The following TKFC variants were observed in gnomAD, a reference collection of about 807,000 sequenced individuals.
The protein encoded by TKFC is triokinase/FMN cyclase.
TKFC carries 46 observed loss-of-function variants against 61.0 expected under a neutral mutation model. That is an observed-to-expected ratio of 0.75 (90% confidence interval 0.60 to 0.96). The LOEUF is 0.96. Ranked by LOEUF, TKFC falls within the 50% of genes least tolerant of loss-of-function variation. TKFC has a pLI of 0.00. For missense variants in TKFC, 715 were observed against 777.5 expected (o/e 0.92, Z 0.96); for synonymous variants, 314 against 330.1 (o/e 0.95, Z 0.53).
chr11:61,347,772 T>C lies in TKFC; in HGVS notation c.*1269T>C, dbSNP rs1857211822. 5.1e-6 allele frequency: 5 copies of C among 976,756 alleles called. No homozygotes were observed. Among genetic ancestry groups the C allele is most frequent in the Non-Finnish European group, 6.1e-6 (5 of 822,278 alleles). 60.5% of individuals were successfully genotyped at this position (976,756 alleles called of 1,614,324 possible). On this transcript the variant is annotated 3_prime_UTR_variant, in exon 18 of 18. Coordinates refer to ENST00000394900, the MANE Select transcript of TKFC (RefSeq NM_015533.4). ...ACCCGGCTACAGGAGCTAAGGCCTA[T>C]TTTTTAGCCCTTTGGGATCTGTAAA...
downstream of TKFC, chr11:61,349,537 T>C (rs972776949): frequency 2.8e-6 from 2 of 702,794 alleles, no homozygotes; most frequent in Non-Finnish European, 5.2e-6. Context: ...GGGGACAGGC[T>C]CTGTTCTTGG....
intron 9 of TKFC, 45 bp from the exon 10 acceptor site, chr11:61,342,710 G>T: frequency 6.2e-7 from 1 of 1,613,512 alleles, no homozygotes; most frequent in South Asian, 1.1e-5. Flanking sequence ...CTCTGGGGAG[G>T]AGACGCCCAG....
rs753639543 is a variant in TKFC at position 61,339,324 on chromosome 11, C to T, written c.375C>T (p.Ala125=). Residue 125 remains alanine (A), a synonymous_variant, in exon 5 of 18, where the codon GCC becomes GCT. Coordinates refer to ENST00000394900, the MANE Select transcript of TKFC (RefSeq NM_015533.4). ...RLNFGLAREQ[A]RAEGIPVEMV... is the part of the protein sequence containing the mutation. ...ACTTCGGCCTGGCCCGGGAGCAGGC[C>T]CGGGCTGAAGGCATCCCGGTGGAGA... The T allele has an allele frequency of 3.7e-6, 6 of 1,613,858 alleles. No homozygotes were observed. The highest frequency in any genetic ancestry group is 5.1e-6 in the Non-Finnish European group (6 of 1,180,022).
At chr11:61,335,143 T>G (rs796942538) in intron 2 of TKFC, among the ~76,000 whole-genome samples, 7 of 152,322 alleles carry the variant, frequency 4.6e-5, no homozygotes, top group African/African-American at 1.7e-4. Flanking sequence ...TGTGGGAGGC[T>G]GGCCATGTCC....
At chr11:61,350,863 C>G, downstream of TKFC, 1 of 1,378,630 alleles carries the variant, frequency 7.3e-7, no homozygotes. Flanking sequence ...CTAACTCCAC[C>G]CTCAAGTTAC....
rs761381798 is a variant in TKFC at position 61,346,191 on chromosome 11, G to T, written c.1576-160G>T. ...ACCCTTTTCCCTGCTGGAAGTAGAT[G>T]AGAAGTGACTTTCCATTTGGTGACA... On this transcript the variant is annotated intron_variant, in intron 17 of 17. Coordinates refer to ENST00000394900, the MANE Select transcript of TKFC (RefSeq NM_015533.4). The surrounding 1 kb of genome is among the most constrained non-coding windows in gnomAD (Gnocchi z 4.1). 3.3e-6 allele frequency: 5 copies of T among 1,496,874 alleles called. No homozygotes were observed. Among genetic ancestry groups the T allele is most frequent in the Non-Finnish European group, 4.4e-6 (5 of 1,123,978 alleles). The allele number at this position is 1,496,874 out of a possible 1,614,324, so 92.7% of individuals were successfully genotyped here. A position where few individuals can be genotyped will look rare whatever the true frequency, so the allele number is the denominator to read the frequency against.
chr11:61,346,239 C>T lies in TKFC; in HGVS notation c.1576-112C>T. On this transcript the variant is annotated intron_variant, in intron 17 of 17. Coordinates refer to ENST00000394900, the MANE Select transcript of TKFC (RefSeq NM_015533.4). The surrounding 1 kb of genome is among the most constrained non-coding windows in gnomAD (Gnocchi z 4.1). ...ACAGAGCAGAGGGTGCTGGCAGAGCCAGGGCAAGGGCGTGCAGGGCCAGGC... is the reference window on the plus strand; with the variant it reads ...ACAGAGCAGAGGGTGCTGGCAGAGCTAGGGCAAGGGCGTGCAGGGCCAGGC... 1 of 1,562,474 alleles carries T rather than the reference C, an allele frequency of 6.4e-7. No individual in the cohort carries two copies. Among genetic ancestry groups the T allele is most frequent in the South Asian group, 1.2e-5 (1 of 86,726 alleles).
rs538152503 is a variant in TKFC at position 61,348,048 on chromosome 11, C to T, written c.*1545C>T. 1 of 985,350 alleles carries T rather than the reference C, an allele frequency of 1.0e-6. No homozygotes were observed. Among genetic ancestry groups the T allele is most frequent in the African/African-American group, 1.7e-5 (1 of 57,226 alleles). 61.0% of individuals were successfully genotyped at this position (985,350 alleles called of 1,614,324 possible). On this transcript the variant is annotated 3_prime_UTR_variant, in exon 18 of 18. Coordinates refer to ENST00000394900, the MANE Select transcript of TKFC (RefSeq NM_015533.4). Reference sequence around the variant, plus strand: ...AGGCTCCCCGAGTGCCTGGGCTTCTCTACCCAGGGTCCTGTCTGTCGGCTG... The same window carrying T: ...AGGCTCCCCGAGTGCCTGGGCTTCTTTACCCAGGGTCCTGTCTGTCGGCTG...
rs746628906 is a variant in TKFC at position 61,344,150 on chromosome 11, C to T, written c.1117C>T (p.Arg373Trp). 1.2e-5 allele frequency: 20 copies of T among 1,612,176 alleles called. No homozygotes were observed. The highest frequency in any genetic ancestry group is 4.0e-5 in the African/African-American group (3 of 74,880). Reference sequence around the variant, plus strand: ...TCCCTTTCTAGGCTCAGCCTCGAAGCGGATGGCGCTGGTGCTGGAACGGGT... The same window carrying T: ...TCCCTTTCTAGGCTCAGCCTCGAAGTGGATGGCGCTGGTGCTGGAACGGGT... The part of the protein sequence containing the change: ...STAAGGSASK[R>W]MALVLERVCS... Residue 373 changes from arginine to tryptophan, a missense_variant, in exon 13 of 18, where the codon CGG (arginine) becomes TGG (tryptophan). By Grantham distance (101) the Arg-to-Trp change is moderately radical. Transcript: ENST00000394900.
rs369709490 is a variant in TKFC at position 61,347,612 on chromosome 11, G to A, written c.*1109G>A. 1.4e-5 allele frequency: 14 copies of A among 985,202 alleles called. No homozygotes were observed. In the East Asian group the frequency reaches 3.4e-4, roughly 24 times the overall value. 61.0% of individuals were successfully genotyped at this position (985,202 alleles called of 1,614,324 possible). Reference sequence around the variant, plus strand: ...GTCTCTTTCTAGAGCGATCACTGATGGCACCAGGGTGAGCAGGGGCACTGT... The same window carrying A: ...GTCTCTTTCTAGAGCGATCACTGATAGCACCAGGGTGAGCAGGGGCACTGT... On this transcript the variant is annotated 3_prime_UTR_variant, in exon 18 of 18. Transcript: ENST00000394900.
At chr11:61,339,837 AC>A (rs1461219643) in intron 5 of TKFC, among the ~76,000 whole-genome samples, 1 of 151,806 alleles carries the variant, frequency 6.6e-6, no homozygotes, top group Non-Finnish European at 1.5e-5. Flanking sequence ...TCTCCACACT[AC>A]TGCCAGAGGT....
At chr11:61,339,521 G>T in intron 5 of TKFC, 86 bp downstream of exon 5, 4 of 1,425,234 alleles carry the variant, frequency 2.8e-6, no homozygotes, top group Non-Finnish European at 3.8e-6. Flanking sequence ...GACCTTTCCA[G>T]CCCTTCCCCA....
At chr11:61,353,004 C>T (rs145298522), downstream of TKFC, 1 of 1,614,110 alleles carries the variant, frequency 6.2e-7, no homozygotes, top group South Asian at 1.1e-5. Flanking sequence ...AAAAGCTTCT[C>T]ATTAATGCCC....
At chr11:61,340,238 C>G (rs1449600174) in intron 5 of TKFC, among the ~76,000 whole-genome samples, 1 of 152,040 alleles carries the variant, frequency 6.6e-6, no homozygotes, top group Non-Finnish European at 1.5e-5. Context: ...CCTCGAACTC[C>G]TGACCTCAAG....
At chr11:61,338,497 T>A (rs1171652574) in intron 3 of TKFC, among the ~76,000 whole-genome samples, 2 of 152,182 alleles carry the variant, frequency 1.3e-5, no homozygotes, top group Non-Finnish European at 2.9e-5. Flanking sequence ...ACCTGCTGTG[T>A]CCCACTTGTG....
rs1857109624 is a variant in TKFC, at chr11:61,346,082, A to G, written c.1575+136A>G. On this transcript the variant is annotated intron_variant, in intron 17 of 17. Coordinates refer to ENST00000394900, the MANE Select transcript of TKFC (RefSeq NM_015533.4). The surrounding 1 kb of genome is among the most constrained non-coding windows in gnomAD (Gnocchi z 4.1). ...CTCTGTACAATGGAGATGAGCACCT[A>G]TCTCAGAAGGTGGTTATGTGGCTAA... is the stretch of plus-strand genomic sequence containing the variant. 1.8e-6 allele frequency: 2 copies of G among 1,127,724 alleles called. No homozygotes were observed. The highest frequency in any genetic ancestry group is 1.2e-6 in the Non-Finnish European group (1 of 806,116). The allele number at this position is 1,127,724 out of a possible 1,614,324, so 69.9% of individuals were successfully genotyped here. A position where few individuals can be genotyped will look rare whatever the true frequency, so the allele number is the denominator to read the frequency against.
rs1489032295 is a variant in TKFC, at chr11:61,349,208, G to GCAA, written c.*2708_*2710dup. The stretch of plus-strand genomic sequence containing the variant: ...ACCCTATTTCCTCCCCTGAAGAAGA[G>GCAA]CAACAGCTCAAGCTCTAGCATGGCA... On this transcript the variant is annotated 3_prime_UTR_variant, in exon 18 of 18. Transcript: ENST00000394900. 2 of 264,038 alleles carry GCAA rather than the reference G, an allele frequency of 7.6e-6. No homozygotes were observed. Among genetic ancestry groups the GCAA allele is most frequent in the East Asian group, 1.5e-4 (2 of 13,016 alleles). The allele number at this position is 264,038 out of a possible 1,614,324, so 16.4% of individuals were successfully genotyped here.
intron 5 of TKFC, 193 bp downstream of exon 5, chr11:61,339,628 G>C: frequency 1.6e-6 from 1 of 639,592 alleles, no homozygotes; most frequent in Non-Finnish European, 2.6e-6. Context: ...TCCCAGACTC[G>C]TCCCCTTTTC....
intron 1 of TKFC, 198 bp from the exon 2 acceptor site, chr11:61,334,422 G>C (rs1856517231): frequency 2.6e-6 from 1 of 384,082 alleles, no homozygotes; most frequent in Non-Finnish European, 4.9e-6. Context: ...GACATGGATT[G>C]ATCTGTCTTC....
Sources: gnomAD v4.1 joint callset for allele counts (sites outside exome capture counted in the v4.1 genomes callset) on GRCh38, gnomAD v4.1.1 for gene constraint, Gnocchi (gnomAD v3.1) non-coding constraint, MANE v1.5 for transcripts, NCBI Gene and HGNC (gene_info 2026-07-23, HGNC 2026-07-21) for gene names.